The following DNAH6 variants were observed in gnomAD, a reference collection of about 807,000 sequenced individuals.
DNAH6 encodes dynein axonemal heavy chain 6, also known as axonemal beta dynein heavy chain 6.
Under a neutral mutation model 491.4 loss-of-function variants are expected in DNAH6, and 340 were observed. That is an observed-to-expected ratio of 0.69 (90% CI 0.63 to 0.76). The LOEUF is 0.76. DNAH6 is among the 30% of genes least tolerant of loss of function. DNAH6 has a pLI of 0.00. For synonymous variants in DNAH6, 1,603 were observed against 1,686.1 expected (o/e 0.95, Z 1.21); for missense variants, 4,443 against 4,972.2 (o/e 0.89, Z 3.20).
intron 4 of DNAH6, among the ~76,000 whole-genome samples, 164 bp from the exon 5 acceptor site, chr2:84,544,069 T>C (rs1328691153): frequency 6.6e-6 from 1 of 152,210 alleles, no homozygotes. Flanking sequence ...CTCATTTTCT[T>C]GAGTAATGTA....
intron 41 of DNAH6, among the ~76,000 whole-genome samples, chr2:84,677,641 A>G (rs112828936): frequency 5.3e-5 from 8 of 152,302 alleles, no homozygotes; most frequent in African/African-American, 1.9e-4. Context: ...TCACTTCCCT[A>G]ATAGGCTACT....
intron 64 of DNAH6, among the ~76,000 whole-genome samples, chr2:84,763,732 G>GTC (rs1462329542): frequency 3.6e-5 from 5 of 139,866 alleles, no homozygotes; most frequent in Admixed American, 6.9e-5. Context: ...GTGTGTGTGT[G>GTC]TGTGTGTGTG....
At chr2:84,476,505 C>G in the DNAH6 span, among the ~76,000 whole-genome samples, 1 of 152,158 alleles carries the variant, frequency 6.6e-6, no homozygotes, top group African/African-American at 2.4e-5. Flanking sequence ...GTTTCCCTTT[C>G]TTTTCTTTAA....
At chr2:84,804,980 A>AT (rs113529135) in intron 70 of DNAH6, among the ~76,000 whole-genome samples, 5,450 of 145,458 alleles carry the variant, frequency 0.037, 116 homozygotes, top group South Asian at 0.063. Flanking sequence ...CACCCAGCTA[A>AT]TTTTTTTTTT....
At chr2:84,486,415 C>T in the DNAH6 span, among the ~76,000 whole-genome samples, 2 of 152,216 alleles carry the variant, frequency 1.3e-5, no homozygotes, top group Admixed American at 6.5e-5. Context: ...TTACTCACCC[C>T]TTAGCCTGCA....
intron 49 of DNAH6, 68 bp downstream of exon 49, chr2:84,701,407 A>T: frequency 6.9e-7 from 1 of 1,447,772 alleles, no homozygotes; most frequent in Non-Finnish European, 9.3e-7. Context: ...ATGCATGGAA[A>T]CTCTATGCAC....
At position 84,672,489 on chromosome 2, in the gene DNAH6, C is replaced by T; in HGVS notation, c.6612+5C>T. On this transcript the variant is annotated splice_donor_5th_base_variant and intron_variant, in intron 40 of 76. Coordinates refer to ENST00000389394, the MANE Select transcript of DNAH6 (RefSeq NM_001370.2). ...CTGTTTTGGAAAGAAATACAGGTTA[C>T]TTTAGCTTTTAAATTACTTGGTGTG... 4 of 1,545,758 alleles carry T rather than the reference C, an allele frequency of 2.6e-6. No individual in the cohort carries two copies. The highest frequency in any genetic ancestry group is 3.5e-6 in the Non-Finnish European group (4 of 1,144,286).
chr2:84,817,367 A>C (rs1680593848), intron 76 of DNAH6, among the ~76,000 whole-genome samples: 1 of 152,260 alleles, frequency 6.6e-6, no homozygotes, highest in South Asian at 2.1e-4. Flanking sequence ...TTTGAACCAG[A>C]ATTCAAAACA....
intron 20 of DNAH6, among the ~76,000 whole-genome samples, chr2:84,605,859 G>A (rs1685706700): frequency 6.6e-6 from 1 of 152,112 alleles, no homozygotes; most frequent in South Asian, 2.1e-4. Flanking sequence ...AAAGAGAACA[G>A]TTACAGCTGA....
the DNAH6 span, among the ~76,000 whole-genome samples, chr2:84,492,470 T>C: frequency 6.6e-6 from 1 of 152,224 alleles, no homozygotes; most frequent in East Asian, 1.9e-4. Context: ...TTCTATTATG[T>C]ATATTAGTTG....
intron 37 of DNAH6, among the ~76,000 whole-genome samples, chr2:84,666,410 G>A (rs1047737136): frequency 1.3e-5 from 2 of 152,078 alleles, no homozygotes; most frequent in Admixed American, 6.6e-5. Context: ...AAAGTCTCAG[G>A]ATACAAAATC....
Position 84,727,703 on chromosome 2 carries a change from C to CA in DNAH6, c.10008dup (p.Glu3337ArgfsTer28). On this transcript the variant is annotated frameshift_variant, in exon 61 of 77. Coordinates refer to ENST00000389394, the MANE Select transcript of DNAH6 (RefSeq NM_001370.2). LOFTEE classifies it high-confidence loss of function. ...ACCACCATTGAAACTTCTGTAAAGA[C>CA]AGAAAATCTACAACAGCGCCTGGAC... 6.4e-7 allele frequency: 1 copy of CA among 1,551,262 alleles called. No individual in the cohort carries two copies. Among genetic ancestry groups the CA allele is most frequent in the Non-Finnish European group, 8.7e-7 (1 of 1,146,592 alleles).
At chr2:84,799,651 G>A (rs185241671) in intron 70 of DNAH6, among the ~76,000 whole-genome samples, 89 of 152,362 alleles carry the variant, frequency 5.8e-4, no homozygotes, top group Non-Finnish European at 7.9e-4. Flanking sequence ...AAGCACAGGG[G>A]ATAGGCAGTT....
Position 84,703,430 on chromosome 2 carries a change from A to G in DNAH6, c.8097A>G (p.Leu2699=), listed in dbSNP as rs964849250. The G allele has an allele frequency of 3.9e-6, 6 of 1,546,052 alleles. No homozygotes were observed. The African/African-American group carries it at 6.9e-5, about 18-fold the overall frequency. ...RDRVKNGLTK[L]LETNILVDKM... ...GGGTGAAGAATGGTCTCACCAAGCTACTAGAAACAAACATACTAGTAGATA... is the reference window on the plus strand; with the variant it reads ...GGGTGAAGAATGGTCTCACCAAGCTGCTAGAAACAAACATACTAGTAGATA... Residue 2699 remains leucine, a synonymous_variant, in exon 50 of 77, where the codon CTA becomes CTG. Coordinates refer to ENST00000389394, the MANE Select transcript of DNAH6 (RefSeq NM_001370.2).
At chr2:84,740,626 A>T (rs1244861784) in intron 62 of DNAH6, among the ~76,000 whole-genome samples, 2 of 152,022 alleles carry the variant, frequency 1.3e-5, no homozygotes, top group Non-Finnish European at 2.9e-5. Context: ...CAAGGGTTAG[A>T]TCTCCAGGGG....
chr2:84,474,719 G>A, the DNAH6 span, among the ~76,000 whole-genome samples: 1 of 152,082 alleles, frequency 6.6e-6, no homozygotes, highest in Non-Finnish European at 1.5e-5. Context: ...GTAAAATCAA[G>A]GAACTTTGAA....
chr2:84,677,504 G>C (rs560994063), intron 41 of DNAH6, among the ~76,000 whole-genome samples: 2 of 152,122 alleles, frequency 1.3e-5, no homozygotes, highest in Non-Finnish European at 2.9e-5. Flanking sequence ...CCAGGTCTGC[G>C]TGTCCACTTG....
chr2:84,705,715 G>T lies in DNAH6; in HGVS notation c.8695G>T (p.Glu2899Ter), dbSNP rs1483469749. ...DLYSRVVKVV[E>*]PKRQKLRAAQ... is the part of the protein sequence containing the mutation. ...GTACTCTCGAGTGGTCAAGGTCGTC[G>T]AACCAAAAAGACAAAAGCTCCGCGC... Residue 2899 changes from glutamate (E) to a stop codon, truncating the protein, a stop_gained, in exon 52 of 77, where the codon GAA becomes TAA. Coordinates refer to ENST00000389394, the MANE Select transcript of DNAH6 (RefSeq NM_001370.2). LOFTEE classifies it high-confidence loss of function. The T allele has an allele frequency of 6.5e-7, 1 of 1,550,266 alleles. No individual in the cohort carries two copies. Among genetic ancestry groups the T allele is most frequent in the Non-Finnish European group, 8.7e-7 (1 of 1,146,542 alleles).
intron 15 of DNAH6, among the ~76,000 whole-genome samples, chr2:84,586,931 A>G (rs886724194): frequency 6.6e-6 from 1 of 152,186 alleles, no homozygotes; most frequent in East Asian, 1.9e-4. Context: ...TGCTTGATGT[A>G]TAATCATGCA....
Sources: allele counts gnomAD v4.1 joint callset (sites outside exome capture counted in the v4.1 genomes callset), GRCh38; gene constraint gnomAD v4.1.1; transcripts MANE v1.5; gene names NCBI Gene and HGNC (gene_info 2026-07-23, HGNC 2026-07-21).